Variants in DLC1 observed in about 807,000 individuals in gnomAD.
DLC1 encodes the protein rho GTPase-activating protein 7.
Under a neutral mutation model 140.3 loss-of-function variants are expected in DLC1, and 54 were observed. The ratio of observed to expected loss-of-function variants is 0.38; its 90% CI spans 0.31 to 0.48. The LOEUF is 0.48. DLC1 is among the 20% of genes least tolerant of loss of function. DLC1 has a pLI of 0.96. For missense variants in DLC1, 2,536 were observed against 1,907.0 expected (o/e 1.33, Z -6.14); for synonymous variants, 986 against 728.1 (o/e 1.35, Z -5.70).
At position 13,458,007 on chromosome 8, in the gene DLC1, C is replaced by T. The variant is rs76923970; in HGVS notation, c.1023+41042G>A. ...GTTCAAGAAGGACCAACACAGACCA[C>T]GAAGTTGGACAGTAAATTAATAATT... On this transcript the variant is annotated intron_variant, in intron 2 of 17. Coordinates refer to ENST00000276297, the MANE Select transcript of DLC1 (RefSeq NM_182643.3). Among the ~76,000 whole-genome samples the T allele has an allele frequency of 4.5e-3, 685 of 152,076 alleles. 5 individuals are homozygous for T. The highest frequency in any genetic ancestry group is 0.016 in the African/African-American group (647 of 41,492).
At chr8:13,361,398 G>A (rs371589783) in intron 4 of DLC1, among the ~76,000 whole-genome samples, 1 of 151,742 alleles carries the variant, frequency 6.6e-6, no homozygotes, top group South Asian at 2.1e-4. Flanking sequence ...GGGACTACAG[G>A]GGCATGCTAA....
chr8:13,294,028 A>T (rs1274288064), intron 5 of DLC1, among the ~76,000 whole-genome samples: 1 of 152,210 alleles, frequency 6.6e-6, no homozygotes, highest in East Asian at 1.9e-4. Flanking sequence ...TGTGGAGTAG[A>T]ACCAATACTG....
At chr8:13,435,409 G>T (rs1352495329) in intron 2 of DLC1, among the ~76,000 whole-genome samples, 1 of 152,156 alleles carries the variant, frequency 6.6e-6, no homozygotes, top group Non-Finnish European at 1.5e-5. Context: ...CACCTCCCGG[G>T]TTCAAGCAAT....
At chr8:13,570,812 G>A (rs1366780816) in intron 1 of DLC1, among the ~76,000 whole-genome samples, 4 of 152,012 alleles carry the variant, frequency 2.6e-5, no homozygotes, top group Admixed American at 1.3e-4. Flanking sequence ...TGACTCAAAA[G>A]TTGAAAGAAT....
intron 1 of DLC1, among the ~76,000 whole-genome samples, chr8:13,546,648 C>T (rs73561351): frequency 6.6e-6 from 1 of 152,122 alleles, no homozygotes; most frequent in Non-Finnish European, 1.5e-5. Flanking sequence ...CTCTCTTGGA[C>T]CTTTTATTCC....
chr8:13,203,307 C>CT (rs1827495829), intron 5 of DLC1, among the ~76,000 whole-genome samples: 1 of 152,040 alleles, frequency 6.6e-6, no homozygotes, highest in South Asian at 2.1e-4. Flanking sequence ...TGAATGATTT[C>CT]TTTTTTCAAA....
chr8:13,540,409 T>A (rs1345189787), intron 1 of DLC1, among the ~76,000 whole-genome samples: 1 of 152,224 alleles, frequency 6.6e-6, no homozygotes, highest in Non-Finnish European at 1.5e-5. Context: ...ATTTTTGTGG[T>A]CTTTATGAAA....
At chr8:13,355,373 A>C (rs1162033474) in intron 4 of DLC1, among the ~76,000 whole-genome samples, 2 of 152,164 alleles carry the variant, frequency 1.3e-5, no homozygotes, top group Non-Finnish European at 2.9e-5. Context: ...CTGTAATCTC[A>C]CACCAGCTCA....
chr8:13,342,686 T>G (rs58272924), intron 4 of DLC1: 1,591 of 152,886 alleles, frequency 0.01, 29 homozygotes, highest in African/African-American at 0.036. Flanking sequence ...GGCTGACTGC[T>G]TGCTTTATGG....
intron 1 of DLC1, among the ~76,000 whole-genome samples, chr8:13,577,580 A>G (rs1386484946): frequency 6.6e-6 from 1 of 152,198 alleles, no homozygotes; most frequent in East Asian, 1.9e-4. Flanking sequence ...GTTCCATCTC[A>G]GTACATGCTA....
At chr8:13,156,522 T>C (rs1824272776) in intron 5 of DLC1, among the ~76,000 whole-genome samples, 1 of 152,220 alleles carries the variant, frequency 6.6e-6, no homozygotes, top group South Asian at 2.1e-4. Context: ...ACCTATCAAA[T>C]ATTTTCTCTC....
chr8:13,091,707 T>C lies in DLC1; in HGVS notation c.3741-275A>G, dbSNP rs117925917. Among the ~76,000 whole-genome samples, 39 of 152,226 alleles carry C rather than the reference T, an allele frequency of 2.6e-4. No homozygotes were observed. The East Asian group carries it at 7.6e-3, about 29-fold the overall frequency. On this transcript the variant is annotated intron_variant, in intron 13 of 17. Coordinates refer to ENST00000276297, the MANE Select transcript of DLC1 (RefSeq NM_182643.3). The stretch of plus-strand genomic sequence containing the variant: ...AGGTTCCTACTGGGAACAGGGCAGC[T>C]TGTAGGGGCTGTGTTTGCATGGTGG...
At chr8:13,325,694 G>T (rs912847645) in intron 4 of DLC1, among the ~76,000 whole-genome samples, 1 of 152,130 alleles carries the variant, frequency 6.6e-6, no homozygotes, top group African/African-American at 2.4e-5. Context: ...AATAAAGAAC[G>T]TTCGGCATTA....
intron 1 of DLC1, among the ~76,000 whole-genome samples, chr8:13,524,044 G>C (rs962353340): frequency 2.6e-5 from 4 of 151,178 alleles, no homozygotes; most frequent in African/African-American, 7.3e-5. Flanking sequence ...GTGGATATTA[G>C]ATATCATGAT....
At chr8:13,194,943 T>G (rs6998117) in intron 5 of DLC1, among the ~76,000 whole-genome samples, 104,887 of 151,910 alleles carry the variant, frequency 0.69, 36,822 homozygotes, top group East Asian at 0.86. Context: ...CCAGGAGTTT[T>G]AGGTTACAGT....
intron 3 of DLC1, among the ~76,000 whole-genome samples, chr8:13,400,842 A>G (rs1017480877): frequency 1.3e-5 from 2 of 152,204 alleles, no homozygotes; most frequent in African/African-American, 4.8e-5. Context: ...TGTAAAGCAT[A>G]TAGTTGATCC....
At chr8:13,456,532 C>A (rs1336542242) in intron 2 of DLC1, among the ~76,000 whole-genome samples, 1 of 152,068 alleles carries the variant, frequency 6.6e-6, no homozygotes, top group Non-Finnish European at 1.5e-5. Context: ...GATCCCAGCT[C>A]CCTGCAACTC....
intron 2 of DLC1, among the ~76,000 whole-genome samples, chr8:13,446,496 A>G (rs980111546): frequency 3.3e-5 from 5 of 152,092 alleles, no homozygotes; most frequent in Non-Finnish European, 5.9e-5. Flanking sequence ...TTAAATCATC[A>G]TACACTGGAG....
At chr8:13,525,742 C>A (rs1466613960) in intron 1 of DLC1, among the ~76,000 whole-genome samples, 1 of 152,100 alleles carries the variant, frequency 6.6e-6, no homozygotes, top group Middle Eastern at 3.2e-3. Flanking sequence ...AGGTGATTTG[C>A]AAATATTTCT....
Sources: allele counts gnomAD v4.1 joint callset (sites outside exome capture counted in the v4.1 genomes callset), GRCh38; gene constraint gnomAD v4.1.1; transcripts MANE v1.5; gene names NCBI Gene and HGNC (gene_info 2026-07-23, HGNC 2026-07-21).